FAM83C: variants seen among roughly 807,000 people sequenced by gnomAD.
FAM83C encodes the protein scaffolding CK1 anchoring protein C, also known as protein FAM83C.
A neutral mutation model predicts 27.1 loss-of-function variants in FAM83C; 23 were observed. That is an observed-to-expected ratio of 0.85 (90% CI 0.61 to 1.20). FAM83C has a LOEUF of 1.20. FAM83C is among the 50% of genes most tolerant of loss of function. The pLI is 0.00. For missense variants in FAM83C, 984 were observed against 1,001.3 expected, an observed-to-expected ratio of 0.98 and a Z score of 0.23; for synonymous variants, 426 against 423.1, an observed-to-expected ratio of 1.01 and a Z score of -0.09.
rs772635262 is a variant in FAM83C at position 35,286,850 on chromosome 20, T to C, written c.1929A>G (p.Pro643=). 13 of 1,613,690 alleles carry C rather than the reference T, an allele frequency of 8.1e-6. No individual in the cohort carries two copies. In the South Asian group the frequency reaches 1.4e-4, roughly 18 times the overall value. ...SQLDLITKFG[P]FRGEGPGPNG... is the part of the protein sequence containing the mutation. ...TGGGCCCAGGCCCCTCACCACGGAA[T>C]GGGCCGAACTTTGTGATGAGGTCCA... is the stretch of plus-strand genomic sequence containing the variant. The change falls in exon 4 of 4, where the codon CCA becomes CCG. Residue 643 remains proline, a synonymous_variant. Transcript: ENST00000374408.
intron 1 of FAM83C, among the ~76,000 whole-genome samples, chr20:35,290,209 G>A (rs1457064062): frequency 1.3e-5 from 2 of 152,236 alleles, no homozygotes; most frequent in Non-Finnish European, 2.9e-5. Context: ...GCTGGGGCTT[G>A]TGCCTCCATC....
At position 35,291,905 on chromosome 20, in the gene FAM83C, CG is replaced by C. The variant is rs1169999042; in HGVS notation, c.399del (p.Glu134ArgfsTer43). 1 of 1,612,954 alleles carries C rather than the reference CG, an allele frequency of 6.2e-7. No individual in the cohort carries two copies. The highest frequency in any genetic ancestry group is 1.7e-5 in the Admixed American group (1 of 59,990). On this transcript the variant is annotated frameshift_variant, in exon 1 of 4. Transcript: ENST00000374408. LOFTEE classifies it high-confidence loss of function. The stretch of plus-strand genomic sequence containing the variant: ...CTGAAGCCTGTGGCCTGTGGCACCT[CG>C]GGCCAGCCCAGGTCCAGGTCTGGGG... ...IDPPDLDLGWPEVPQATGFSP... is the reference protein window; with the variant it reads ...IDPPDLDLGWXEVPQATGFSP...
At position 35,292,348 on chromosome 20, in the gene FAM83C, C is replaced by T. The variant is rs749358811; in HGVS notation, c.-44G>A. On this transcript the variant is annotated 5_prime_UTR_variant, in exon 1 of 4. Transcript: ENST00000374408. ...TCACCCGCCGGCAGGGCCCATGGCC[C>T]GCACGCTGGGCTGGCTGCAGCAGGA... 1.8e-5 allele frequency: 26 copies of T among 1,442,878 alleles called. No homozygotes were observed. The highest frequency in any genetic ancestry group is 4.3e-5 in the African/African-American group (3 of 69,462). 89.4% of individuals were successfully genotyped at this position (1,442,878 alleles called of 1,614,324 possible).
rs1486817120 is a variant in FAM83C, at chr20:35,287,836, C to T, written c.943G>A (p.Asp315Asn). The change falls in exon 4 of 4, where the codon GAC becomes AAC. Residue 315 changes from aspartate (D) to asparagine (N), a missense_variant. Coordinates refer to ENST00000374408, the MANE Select transcript of FAM83C (RefSeq NM_178468.6). ...QPVEGFCGGE[D>N]PLSPRALRPP... ...CGCAGTGCCCGGGGAGACAGCGGGT[C>T]CTCACCGCCACAGAAGCCCTCCACA... The T allele has an allele frequency of 2.5e-6, 4 of 1,570,034 alleles. No individual in the cohort carries two copies. The highest frequency in any genetic ancestry group is 1.9e-5 in the Admixed American group (1 of 53,932).
chr20:35,286,662 A>G lies in FAM83C; in HGVS notation c.2117T>C (p.Leu706Pro). 3.1e-6 allele frequency: 5 copies of G among 1,612,884 alleles called. No individual in the cohort carries two copies. The highest frequency in any genetic ancestry group is 4.2e-6 in the Non-Finnish European group (5 of 1,179,800). ...GACCAGGTCACTGTTACCACCATTG[A>G]GATGGCCACCCTTGGGACCCCCAGG... is the stretch of plus-strand genomic sequence containing the variant. Reference protein sequence around the residue: ...TEPGGPKGGHLNGGNSDLVRD... With the variant: ...TEPGGPKGGHPNGGNSDLVRD... The change falls in exon 4 of 4, where the codon CTC (leucine) becomes CCC (proline). Residue 706 changes from leucine (L) to proline (P), a missense_variant. Physicochemically the swap from Leu to Pro is moderately conservative, Grantham distance 98. Coordinates refer to ENST00000374408, the MANE Select transcript of FAM83C (RefSeq NM_178468.6).
At chr20:35,291,724 G>A in intron 1 of FAM83C, 68 bp downstream of exon 1, 1 of 1,597,022 alleles carries the variant, frequency 6.3e-7, no homozygotes, top group Non-Finnish European at 8.5e-7. Flanking sequence ...CCTTGGGCTG[G>A]TCCCTTCCCT....
At position 35,287,084 on chromosome 20, in the gene FAM83C, C is replaced by T. The variant is rs1282251908; in HGVS notation, c.1695G>A (p.Gly565=). 1.2e-6 allele frequency: 2 copies of T among 1,604,882 alleles called. No homozygotes were observed. The change falls in exon 4 of 4, where the codon GGG becomes GGA. Residue 565 remains glycine (G), a synonymous_variant. Coordinates refer to ENST00000374408, the MANE Select transcript of FAM83C (RefSeq NM_178468.6). ...TGAGGGAACCCAACTCAGGGGCACC[C>T]CCAGTACCCAGGGCTCGGGACAGGA... is the stretch of plus-strand genomic sequence containing the variant. The part of the protein sequence containing the change: ...LDLLSRALGT[G]GAPELGSLRP...
In FAM83C at chr20:35,286,480, G is replaced by A. The variant is rs554868382; in HGVS notation, c.*55C>T. 31 of 1,507,000 alleles carry A rather than the reference G, an allele frequency of 2.1e-5. No individual in the cohort carries two copies. In the African/African-American group the frequency reaches 3.1e-4, roughly 15 times the overall value. 93.4% of individuals were successfully genotyped at this position (1,507,000 alleles called of 1,614,324 possible). A position where few individuals can be genotyped will look rare whatever the true frequency, so the allele number is the denominator to read the frequency against. On this transcript the variant is annotated 3_prime_UTR_variant, in exon 4 of 4. Coordinates refer to ENST00000374408, the MANE Select transcript of FAM83C (RefSeq NM_178468.6). Reference sequence around the variant, plus strand: ...GGACCTGAGCAAGTCCAGAGTCTCGGTGGACAGAGGAGGGGCCTGCCCTTG... The same window carrying A: ...GGACCTGAGCAAGTCCAGAGTCTCGATGGACAGAGGAGGGGCCTGCCCTTG...
intron 2 of FAM83C, 21 bp downstream of exon 2, chr20:35,288,770 C>A: frequency 1.3e-6 from 2 of 1,568,468 alleles, no homozygotes; most frequent in Non-Finnish European, 8.7e-7. Flanking sequence ...CCCCTGGTTA[C>A]TGCCCCTGGT....
chr20:35,288,438 C>T, intron 3 of FAM83C, 23 bp downstream of exon 3: 2 of 1,613,188 alleles, frequency 1.2e-6, no homozygotes, highest in Non-Finnish European at 1.7e-6. Flanking sequence ...CCAGGCCCCC[C>T]TTGCCTCCTC....
Position 35,288,778 on chromosome 20 carries a change from G to A in FAM83C, c.681+13C>T. 6.2e-7 allele frequency: 1 copy of A among 1,600,828 alleles called. No individual in the cohort carries two copies. Among genetic ancestry groups the A allele is most frequent in the Non-Finnish European group, 8.5e-7 (1 of 1,172,510 alleles). On this transcript the variant is annotated intron_variant, in intron 2 of 3. Transcript: ENST00000374408. ...GCCCACACCCCTGGTTACTGCCCCT[G>A]GTCCTCACTGACCGGCAGGTGCTCC... is the stretch of plus-strand genomic sequence containing the variant.
chr20:35,288,261 G>C (rs960627194), intron 3 of FAM83C, among the ~76,000 whole-genome samples, 200 bp downstream of exon 3: 1 of 152,154 alleles, frequency 6.6e-6, no homozygotes, highest in African/African-American at 2.4e-5. Flanking sequence ...TCTATACCAA[G>C]GGTATTAAAG....
At position 35,292,062 on chromosome 20, in the gene FAM83C, C is replaced by T. The variant is rs1264545544; in HGVS notation, c.243G>A (p.Met81Ile). The T allele has an allele frequency of 1.2e-6, 2 of 1,611,466 alleles. No individual in the cohort carries two copies. Among genetic ancestry groups the T allele is most frequent in the Non-Finnish European group, 1.7e-6 (2 of 1,179,982 alleles). The stretch of plus-strand genomic sequence containing the variant: ...CAGGGCCCCCGCGCACATGGCTGGT[C>T]ATGTAGTCCACATCCAGGGCGCTCA... ...PFLSALDVDY[M>I]TSHVRGGPEL... The change falls in exon 1 of 4, where the codon ATG becomes ATA. Residue 81 changes from methionine to isoleucine, a missense_variant. Met to Ile is a conservative substitution (Grantham distance 10, BLOSUM62 1). Transcript: ENST00000374408.
chr20:35,292,413 C>CTG lies in FAM83C; in HGVS notation c.-111_-110dup, dbSNP rs1484288772. The CTG allele has an allele frequency of 2.1e-6, 3 of 1,400,098 alleles. No individual in the cohort carries two copies. Among genetic ancestry groups the CTG allele is most frequent in the Non-Finnish European group, 2.8e-6 (3 of 1,072,412 alleles). The allele number at this position is 1,400,098 out of a possible 1,614,324, so 86.7% of individuals were successfully genotyped here. On this transcript the variant is annotated 5_prime_UTR_variant, in exon 1 of 4. Transcript: ENST00000374408. ...GAACCGCCTTCTGCCCGCCCGCTCGCTGTGTGTGTGGCAGGGCCCCCAAAC... is the reference window on the plus strand; with the variant it reads ...GAACCGCCTTCTGCCCGCCCGCTCGCTGTGTGTGTGTGGCAGGGCCCCCAAAC...
In FAM83C at chr20:35,291,784, G is replaced by C. The variant is rs770912116; in HGVS notation, c.513+8C>G. The C allele has an allele frequency of 6.2e-7, 1 of 1,613,862 alleles. No individual in the cohort carries two copies. The highest frequency in any genetic ancestry group is 8.5e-7 in the Non-Finnish European group (1 of 1,180,026). ...GTGAGATGAGTGATGGAGAGATGAGGCCCTTACCGTGTGGGCCTGGCTGAA... is the reference window on the plus strand; with the variant it reads ...GTGAGATGAGTGATGGAGAGATGAGCCCCTTACCGTGTGGGCCTGGCTGAA... On this transcript the variant is annotated splice_region_variant and intron_variant, in intron 1 of 3. Transcript: ENST00000374408.
rs1359938810 is a variant in FAM83C at position 35,287,381 on chromosome 20, T to C, written c.1398A>G (p.Pro466=). 1.2e-6 allele frequency: 2 copies of C among 1,613,778 alleles called. No homozygotes were observed. Among genetic ancestry groups the C allele is most frequent in the African/African-American group, 1.3e-5 (1 of 74,906 alleles). Residue 466 remains proline, a synonymous_variant, in exon 4 of 4, where the codon CCA becomes CCG. Coordinates refer to ENST00000374408, the MANE Select transcript of FAM83C (RefSeq NM_178468.6). ...HRGAPALSRF[P]ENGLPGSQEP... ...CTTGGCTTCCTGGGAGCCCATTCTCTGGGAACCGGGACAGAGCTGGGGCAC... is the reference window on the plus strand; with the variant it reads ...CTTGGCTTCCTGGGAGCCCATTCTCCGGGAACCGGGACAGAGCTGGGGCAC...
chr20:35,286,846 G>A lies in FAM83C; in HGVS notation c.1933C>T (p.Arg645Cys), dbSNP rs35518957. 342 of 1,613,714 alleles carry A rather than the reference G, an allele frequency of 2.1e-4. No homozygotes were observed. The highest frequency in any genetic ancestry group is 2.5e-4 in the Non-Finnish European group (295 of 1,179,948). Residue 645 changes from arginine to cysteine, a missense_variant, in exon 4 of 4, where the codon CGT (arginine) becomes TGT (cysteine). Physicochemically the swap from Arg to Cys is radical, Grantham distance 180. Coordinates refer to ENST00000374408, the MANE Select transcript of FAM83C (RefSeq NM_178468.6). Reference protein sequence around the residue: ...LDLITKFGPFRGEGPGPNGLP... With the variant: ...LDLITKFGPFCGEGPGPNGLP... ...CCATTGGGCCCAGGCCCCTCACCAC[G>A]GAATGGGCCGAACTTTGTGATGAGG...
At chr20:35,288,628 T>C (rs1318669418) in intron 2 of FAM83C, 43 bp from the exon 3 acceptor site, 1 of 1,607,388 alleles carries the variant, frequency 6.2e-7, no homozygotes. Context: ...AGAGTGAGGC[T>C]CAAGCCATGT....
chr20:35,292,193 C>G lies in FAM83C; in HGVS notation c.112G>C (p.Val38Leu), dbSNP rs979829970. ...LPWWRESSPL[V>L]LRHSEAARLA... Reference sequence around the variant, plus strand: ...CGAGCCGCCTCGCTGTGCCGCAGCACCAGCGGTGAGCTCTCCCGCCACCAC... The same window carrying G: ...CGAGCCGCCTCGCTGTGCCGCAGCAGCAGCGGTGAGCTCTCCCGCCACCAC... Residue 38 changes from valine (V) to leucine (L), a missense_variant, in exon 1 of 4, where the codon GTG becomes CTG. Coordinates refer to ENST00000374408, the MANE Select transcript of FAM83C (RefSeq NM_178468.6). 3 of 1,595,292 alleles carry G rather than the reference C, an allele frequency of 1.9e-6. No homozygotes were observed. The highest frequency in any genetic ancestry group is 1.7e-6 in the Non-Finnish European group (2 of 1,178,550).
Sources: allele counts gnomAD v4.1 joint callset (sites outside exome capture counted in the v4.1 genomes callset), GRCh38; gene constraint gnomAD v4.1.1; transcripts MANE v1.5; gene names NCBI Gene and HGNC (gene_info 2026-07-23, HGNC 2026-07-21).